The following SLC45A2 variants were observed in gnomAD, a reference collection of about 807,000 sequenced individuals.
SLC45A2 encodes membrane-associated transporter protein.
A neutral mutation model predicts 45.5 loss-of-function variants in SLC45A2; 36 were observed. The observed-to-expected ratio is 0.79, with a 90% CI of 0.61 to 1.04. SLC45A2 has a LOEUF of 1.04. SLC45A2 is among the 50% of genes least tolerant of loss of function. The pLI is 0.00. For synonymous variants in SLC45A2, 306 were observed against 269.3 expected (o/e 1.14, Z -1.33); for missense variants, 719 against 671.0 (o/e 1.07, Z -0.79).
chr5:33,975,112 A>G (rs1344861330), intron 2 of SLC45A2, among the ~76,000 whole-genome samples: 3 of 151,782 alleles, frequency 2.0e-5, no homozygotes, highest in Non-Finnish European at 2.9e-5. Context: ...GCTCTGAGCC[A>G]TCCACACAAC....
intron 2 of SLC45A2, among the ~76,000 whole-genome samples, chr5:33,978,412 C>T (rs375801644): frequency 6.6e-6 from 1 of 152,082 alleles, no homozygotes; most frequent in Non-Finnish European, 1.5e-5. Flanking sequence ...AGAGAACCTC[C>T]TTCCCTTACC....
At chr5:33,945,465 G>C (rs1454297075) in intron 6 of SLC45A2, among the ~76,000 whole-genome samples, 1 of 152,028 alleles carries the variant, frequency 6.6e-6, no homozygotes, top group African/African-American at 2.4e-5. Flanking sequence ...AATAATGTTT[G>C]GTTAATACTT....
intron 2 of SLC45A2, among the ~76,000 whole-genome samples, chr5:33,973,508 T>C (rs1752842518): frequency 6.6e-6 from 1 of 152,234 alleles, no homozygotes; most frequent in Non-Finnish European, 1.5e-5. Flanking sequence ...AAGTGACTCC[T>C]TTCCTCTGTG....
At chr5:33,977,621 AG>A (rs1489497750) in intron 2 of SLC45A2, among the ~76,000 whole-genome samples, 3 of 152,224 alleles carry the variant, frequency 2.0e-5, no homozygotes, top group Non-Finnish European at 2.9e-5. Context: ...AACCTGAAGA[AG>A]GAAGGGCTGG....
chr5:33,963,634 A>G lies in SLC45A2; in HGVS notation c.888+57T>C. ...AAAACAAACAATTAAAAAAACAACA[A>G]CAACAACAAAGAGCAAGAATATTTT... On this transcript the variant is annotated intron_variant, in intron 3 of 6. Transcript: ENST00000296589. 6 of 1,580,878 alleles carry G rather than the reference A, an allele frequency of 3.8e-6. 1 individual carries two copies. In the South Asian group the frequency reaches 5.5e-5, roughly 15 times the overall value.
In SLC45A2 at chr5:33,966,400, G is replaced by A. The variant is rs1238270179; in HGVS notation, c.563-2384C>T. On this transcript the variant is annotated intron_variant, in intron 2 of 6. Coordinates refer to ENST00000296589, the MANE Select transcript of SLC45A2 (RefSeq NM_016180.5). ...CCCCAGAAGGTGGTTTCAAGTGGGAGAAGCACATAATGGGAGAAGCTACTT... is the reference window on the plus strand; with the variant it reads ...CCCCAGAAGGTGGTTTCAAGTGGGAAAAGCACATAATGGGAGAAGCTACTT... Among the ~76,000 whole-genome samples, 2 of 149,960 alleles carry A rather than the reference G, an allele frequency of 1.3e-5. 1 individual carries two copies. The highest frequency in any genetic ancestry group is 4.9e-5 in the African/African-American group (2 of 40,920).
At chr5:33,964,948 T>C (rs1319534716) in intron 2 of SLC45A2, among the ~76,000 whole-genome samples, 2 of 152,092 alleles carry the variant, frequency 1.3e-5, no homozygotes, top group Non-Finnish European at 2.9e-5. Context: ...ATAGCATGGT[T>C]GGGGAGGGGG....
chr5:33,956,402 T>C lies in SLC45A2; in HGVS notation c.889-1898A>G, dbSNP rs1456916592. 2.0e-5 allele frequency among the ~76,000 whole-genome samples: 3 copies of C among 152,122 alleles called. No homozygotes were observed. In the East Asian group the frequency reaches 5.8e-4, roughly 29 times the overall value. On this transcript the variant is annotated intron_variant, in intron 3 of 6. Transcript: ENST00000296589. Reference sequence around the variant, plus strand: ...GAGCAATGGCTACCGAGAGGTAGAATTGGTCCAGTCAAAGCAAAAGCAGAC... The same window carrying C: ...GAGCAATGGCTACCGAGAGGTAGAACTGGTCCAGTCAAAGCAAAAGCAGAC...
At chr5:33,971,688 G>A (rs928850491) in intron 2 of SLC45A2, among the ~76,000 whole-genome samples, 2 of 152,068 alleles carry the variant, frequency 1.3e-5, no homozygotes, top group Non-Finnish European at 2.9e-5. Context: ...GTGCAGTGGC[G>A]TGATCTTGGT....
intron 2 of SLC45A2, chr5:33,972,711 T>A (rs1228614434): frequency 6.6e-6 from 1 of 152,542 alleles, no homozygotes; most frequent in African/African-American, 2.4e-5. Context: ...TTGCCAATGA[T>A]CTCATTAAAA....
Position 33,944,751 on chromosome 5 carries a change from A to G in SLC45A2, c.1490T>C (p.Leu497Pro). The G allele has an allele frequency of 6.2e-7, 1 of 1,614,206 alleles. No individual in the cohort carries two copies. The highest frequency in any genetic ancestry group is 8.5e-7 in the Non-Finnish European group (1 of 1,180,030). ...GACAACGGTCCCGGCTGTGTTGACC[A>G]GAAAGCCCAGGCCACCTCCGACCAG... The part of the protein sequence containing the change: ...QILVGGGLGF[L>P]VNTAGTVVVV... Residue 497 changes from leucine (L) to proline (P), a missense_variant, in exon 7 of 7, where the codon CTG becomes CCG. Transcript: ENST00000296589.
At chr5:33,965,943 CCTTTTTCGAAA>C (rs1421765304) in intron 2 of SLC45A2, among the ~76,000 whole-genome samples, 1 of 152,202 alleles carries the variant, frequency 6.6e-6, no homozygotes, top group Non-Finnish European at 1.5e-5. Context: ...CAGACACATT[CCTTTTTCGAAA>C]CTATCATTTG....
In SLC45A2 at chr5:33,947,231, T is replaced by C; in HGVS notation, c.1300A>G (p.Met434Val). The C allele has an allele frequency of 6.2e-7, 1 of 1,614,184 alleles. No individual in the cohort carries two copies. The highest frequency in any genetic ancestry group is 8.5e-7 in the Non-Finnish European group (1 of 1,180,038). ...TLVLCSLFGV[M>V]SSTLYTVPFN... is the part of the protein sequence containing the mutation. ...GGCACAGTGTACAGGGTGCTGGACA[T>C]TACACCAAACAGGCTGCACAGGACC... Residue 434 changes from methionine to valine, a missense_variant, in exon 6 of 7, where the codon ATG (methionine) becomes GTG (valine). Physicochemically the swap from Met to Val is conservative, Grantham distance 21. Coordinates refer to ENST00000296589, the MANE Select transcript of SLC45A2 (RefSeq NM_016180.5).
At chr5:33,972,846 A>T (rs1405726874) in intron 2 of SLC45A2, among the ~76,000 whole-genome samples, 1 of 152,236 alleles carries the variant, frequency 6.6e-6, no homozygotes, top group African/African-American at 2.4e-5. Flanking sequence ...CAGAAGTTAC[A>T]AGAGAAGAAT....
Position 33,961,553 on chromosome 5 carries a change from T to G in SLC45A2, c.888+2138A>C, listed in dbSNP as rs182744713. Among the ~76,000 whole-genome samples, 33 of 152,290 alleles carry G rather than the reference T, an allele frequency of 2.2e-4. No homozygotes were observed. In the East Asian group the frequency reaches 4.6e-3, roughly 21 times the overall value. On this transcript the variant is annotated intron_variant, in intron 3 of 6. Transcript: ENST00000296589. The stretch of plus-strand genomic sequence containing the variant: ...ATCTCTATTCAAATCCTAACTATCA[T>G]TCAAGGCACAACTCAGGGGCGATCT...
At chr5:33,965,181 T>C (rs536430495) in intron 2 of SLC45A2, among the ~76,000 whole-genome samples, 74 of 152,344 alleles carry the variant, frequency 4.9e-4, no homozygotes, top group African/African-American at 1.8e-3. Context: ...GTCTCTATTT[T>C]ATTTCTCAGA....
intron 3 of SLC45A2, among the ~76,000 whole-genome samples, chr5:33,963,377 GA>G (rs1477333498): frequency 1.3e-5 from 2 of 152,150 alleles, no homozygotes; most frequent in African/African-American, 4.8e-5. Context: ...AATCTAAGGG[GA>G]TATTTCTTCT....
intron 2 of SLC45A2, among the ~76,000 whole-genome samples, chr5:33,965,412 T>C (rs1266232400): frequency 6.6e-6 from 1 of 152,210 alleles, no homozygotes; most frequent in Admixed American, 6.5e-5. Context: ...AGAGCCTATT[T>C]AAGGAGGACC....
chr5:33,968,043 T>C (rs868085442), intron 2 of SLC45A2, among the ~76,000 whole-genome samples: 1 of 151,418 alleles, frequency 6.6e-6, no homozygotes, highest in African/African-American at 2.4e-5. Context: ...CAAGTTAGAA[T>C]AGTACAACAC....
Sources: allele counts gnomAD v4.1 joint callset (sites outside exome capture counted in the v4.1 genomes callset), GRCh38; gene constraint gnomAD v4.1.1; transcripts MANE v1.5; gene names NCBI Gene and HGNC (gene_info 2026-07-23, HGNC 2026-07-21).